PUDP: variants seen among roughly 807,000 people sequenced by gnomAD.
The protein encoded by PUDP is pseudouridine 5'-phosphatase.
A neutral mutation model predicts 9.4 loss-of-function variants in PUDP; 8 were observed. The ratio of observed to expected loss-of-function variants is 0.85; its 90% confidence interval spans 0.50 to 1.53. PUDP has a LOEUF of 1.53. Ranked by LOEUF, PUDP falls within the 40% of genes most tolerant of loss-of-function variation. The probability of loss-of-function intolerance (pLI) is 0.00; values close to 1 mark genes in which losing one functional copy is unlikely to be tolerated. For missense variants in PUDP, 188 were observed against 189.7 expected, an observed-to-expected ratio of 0.99 and a Z score of 0.05; for synonymous variants, 99 against 80.7, an observed-to-expected ratio of 1.23 and a Z score of -1.22.
At chrX:6,724,501 CAAA>C (rs1170392595), upstream of PUDP, among the ~76,000 whole-genome samples, 1 of 45,444 alleles carries the variant, frequency 2.2e-5, no homozygotes, top group African/African-American at 8.6e-5. Context: ...ATTCTCTCTC[CAAA>C]AAAAAAAAAA....
In PUDP at chrX:6,765,350, A is replaced by T. The variant is rs761691742; in HGVS notation, c.*248-58884T>A. Among the ~76,000 whole-genome samples the T allele has an allele frequency of 1.5e-4, 17 of 111,938 alleles. No homozygotes were observed. The Admixed American group carries it at 1.5e-3, about 10-fold the overall frequency. On this transcript the variant is annotated intron_variant and NMD_transcript_variant, in intron 3 of 3. Transcript: ENST00000655425. Reference sequence around the variant, plus strand: ...GAAAGCCCTGAAAATACCTAGAACTAACCTTAACAAGAAATATGTAAAACC... The same window carrying T: ...GAAAGCCCTGAAAATACCTAGAACTTACCTTAACAAGAAATATGTAAAACC...
At chrX:6,752,723 G>A (rs1925116166) in intron 3 of PUDP, among the ~76,000 whole-genome samples, 1 of 110,693 alleles carries the variant, frequency 9.0e-6, no homozygotes, top group South Asian at 3.9e-4. Context: ...ATTCTGCCTG[G>A]ATGATCATGG....
chrX:7,061,254 T>A (rs577711462), intron 3 of PUDP, among the ~76,000 whole-genome samples: 6 of 111,481 alleles, frequency 5.4e-5, no homozygotes, highest in African/African-American at 2.0e-4. Context: ...CCAAAAAAGC[T>A]TTTCCAGTTA....
At chrX:7,035,165 A>G (rs111786395) in intron 1 of PUDP, among the ~76,000 whole-genome samples, 32 of 111,927 alleles carry the variant, frequency 2.9e-4, no homozygotes, top group Middle Eastern at 4.6e-3. Context: ...TGCTTAATTA[A>G]TATCAATGAT....
chrX:6,779,958 G>A (rs897996814), intron 3 of PUDP, among the ~76,000 whole-genome samples: 6 of 110,097 alleles, frequency 5.4e-5, no homozygotes, highest in Non-Finnish European at 1.1e-4. Context: ...AAAGTCAAGG[G>A]AAAGAAAACT....
At chrX:7,138,482 C>T (rs969838303) in intron 1 of PUDP, among the ~76,000 whole-genome samples, 2 of 109,628 alleles carry the variant, frequency 1.8e-5, no homozygotes, top group Non-Finnish European at 3.8e-5. Context: ...AAGTGATTCT[C>T]GTGTCTCAGC....
At chrX:7,045,752 C>A (rs972226885), downstream of PUDP, among the ~76,000 whole-genome samples, 1 of 111,795 alleles carries the variant, frequency 8.9e-6, no homozygotes, top group Non-Finnish European at 1.9e-5. Context: ...ACAAAGTAAG[C>A]CACACCTCAA....
chrX:7,078,404 T>C (rs1930981374), intron 2 of PUDP, among the ~76,000 whole-genome samples: 1 of 112,069 alleles, frequency 8.9e-6, no homozygotes. Context: ...GCGATTCTCC[T>C]GCCTCAGCCT....
intron 3 of PUDP, among the ~76,000 whole-genome samples, chrX:6,766,692 T>C (rs1925289660): frequency 8.9e-6 from 1 of 111,915 alleles, no homozygotes; most frequent in Non-Finnish European, 1.9e-5. Flanking sequence ...TGATATAGGA[T>C]ATTTCTATCC....
rs150866496 is a variant in PUDP at position 7,015,087 on chromosome X, G to C, written c.205-36744C>G. 1.0e-3 allele frequency among the ~76,000 whole-genome samples: 115 copies of C among 111,762 alleles called. 1 individual carries two copies. Among genetic ancestry groups the C allele is most frequent in the African/African-American group, 3.5e-3 (108 of 30,693 alleles). On this transcript the variant is annotated intron_variant and NMD_transcript_variant, in intron 1 of 3. Transcript: ENST00000655425. ...ATTAAATAAGGCATTCCAAATTCTT[G>C]TCTGTATAGGGGCCAAGGGAAAGCT... is the stretch of plus-strand genomic sequence containing the variant.
chrX:6,752,179 G>A (rs1925101532), intron 3 of PUDP, among the ~76,000 whole-genome samples: 1 of 111,375 alleles, frequency 9.0e-6, no homozygotes, highest in Non-Finnish European at 1.9e-5. Context: ...CTCTCCTTTG[G>A]CCTCTGACAG....
chrX:7,086,474 G>A (rs1931266356), intron 2 of PUDP, among the ~76,000 whole-genome samples: 1 of 111,888 alleles, frequency 8.9e-6, no homozygotes, highest in Non-Finnish European at 1.9e-5. Context: ...ACACTACTGT[G>A]CGCTTTTTAG....
chrX:7,090,417 T>A (rs1931389064), intron 2 of PUDP, among the ~76,000 whole-genome samples: 2 of 111,103 alleles, frequency 1.8e-5, no homozygotes, highest in African/African-American at 3.3e-5. Flanking sequence ...TTTTTAAATT[T>A]AAAAAAATTT....
chrX:6,992,582 T>TA (rs1929200035), intron 1 of PUDP, among the ~76,000 whole-genome samples: 1 of 110,235 alleles, frequency 9.1e-6, no homozygotes, highest in African/African-American at 3.3e-5. Context: ...CAGGGTGTCT[T>TA]AATATTGTTT....
chrX:6,864,095 G>GA, intron 3 of PUDP, among the ~76,000 whole-genome samples: 1 of 111,554 alleles, frequency 9.0e-6, no homozygotes, highest in Middle Eastern at 4.6e-3. Flanking sequence ...AGCTTATCTT[G>GA]TGGGGGATCT....
chrX:7,094,047 G>C (rs1288288189), intron 2 of PUDP, among the ~76,000 whole-genome samples: 9 of 111,440 alleles, frequency 8.1e-5, no homozygotes, highest in Non-Finnish European at 1.3e-4. Flanking sequence ...GGGATCACTT[G>C]AGCCAGGGAG....
At chrX:6,757,960 G>A (rs1039478728) in intron 3 of PUDP, among the ~76,000 whole-genome samples, 2 of 112,121 alleles carry the variant, frequency 1.8e-5, no homozygotes, top group Non-Finnish European at 3.8e-5. Context: ...GACACGAGAT[G>A]CTGTCAATTC....
chrX:7,101,077 T>G (rs1361202729), intron 2 of PUDP, among the ~76,000 whole-genome samples: 1 of 112,366 alleles, frequency 8.9e-6, no homozygotes, highest in Non-Finnish European at 1.9e-5. Context: ...TGTGCATTTC[T>G]GTATACTCTT....
intron 3 of PUDP, among the ~76,000 whole-genome samples, chrX:6,958,836 C>T (rs1468672041): frequency 9.1e-6 from 1 of 110,495 alleles, no homozygotes; most frequent in African/African-American, 3.3e-5. Context: ...GAAGGAAAGG[C>T]CATCCTTTTT....
Sources: gnomAD v4.1 joint callset for allele counts (sites outside exome capture counted in the v4.1 genomes callset) on GRCh38, gnomAD v4.1.1 for gene constraint, MANE v1.5 for transcripts, NCBI Gene and HGNC (gene_info 2026-07-23, HGNC 2026-07-21) for gene names.